The following KIAA1328 variants were observed in gnomAD, a reference collection of about 807,000 sequenced individuals.
The protein encoded by KIAA1328 is KIAA1328, also known as protein hinderin.
KIAA1328 carries 52 observed loss-of-function variants against 68.1 expected under a neutral mutation model. The observed-to-expected ratio is 0.76, with a 90% confidence interval of 0.61 to 0.96. The LOEUF (loss-of-function observed/expected upper bound fraction) is 0.96. Ranked by LOEUF, KIAA1328 falls within the 40% of genes least tolerant of loss-of-function variation. The probability of loss-of-function intolerance (pLI) is 0.00; values close to 1 mark genes in which losing one functional copy is unlikely to be tolerated. For missense variants in KIAA1328, 641 were observed against 677.6 expected (o/e 0.95, Z 0.60); for synonymous variants, 232 against 239.4 (o/e 0.97, Z 0.28).
chr18:37,109,916 C>T (rs1175981236), intron 7 of KIAA1328, among the ~76,000 whole-genome samples: 1 of 152,094 alleles, frequency 6.6e-6, no homozygotes, highest in African/African-American at 2.4e-5. Context: ...TTTCTTTCTA[C>T]ACAGTAACTG....
chr18:37,033,031 C>A (rs2054894977), intron 6 of KIAA1328, among the ~76,000 whole-genome samples: 1 of 152,176 alleles, frequency 6.6e-6, no homozygotes, highest in Admixed American at 6.5e-5. Flanking sequence ...CTCTTATGAT[C>A]TTTCTTCACT....
chr18:36,920,092 A>G (rs940269941), intron 5 of KIAA1328, among the ~76,000 whole-genome samples: 1 of 152,112 alleles, frequency 6.6e-6, no homozygotes, highest in African/African-American at 2.4e-5. Flanking sequence ...TTTTTGTTGC[A>G]GTTGCTTGTA....
At chr18:37,016,504 G>C (rs923734036) in intron 6 of KIAA1328, among the ~76,000 whole-genome samples, 1 of 151,886 alleles carries the variant, frequency 6.6e-6, no homozygotes, top group Admixed American at 6.6e-5. Flanking sequence ...CCTCCTCCTT[G>C]ATTTTTAGTA....
In KIAA1328 at chr18:36,988,652, T is replaced by A. The variant is rs1168229444; in HGVS notation, c.576+29217T>A. ...GTGAACAAGTTGTTTTTCTGCTCATTTCTCAAGGATTCTTTCAGAATGCCA... is the reference window on the plus strand; with the variant it reads ...GTGAACAAGTTGTTTTTCTGCTCATATCTCAAGGATTCTTTCAGAATGCCA... On this transcript the variant is annotated intron_variant, in intron 6 of 9. Coordinates refer to ENST00000280020, the MANE Select transcript of KIAA1328 (RefSeq NM_020776.3). Among the ~76,000 whole-genome samples, 6 of 152,324 alleles carry A rather than the reference T, an allele frequency of 3.9e-5. No individual in the cohort carries two copies. In the South Asian group the frequency reaches 1.2e-3, roughly 32 times the overall value.
chr18:37,156,760 G>A (rs1353629225), intron 7 of KIAA1328, among the ~76,000 whole-genome samples: 1 of 152,196 alleles, frequency 6.6e-6, no homozygotes, highest in Non-Finnish European at 1.5e-5. Flanking sequence ...TAAAGATACT[G>A]GATTGCTTTA....
At chr18:37,101,624 C>G (rs1354038022) in intron 7 of KIAA1328, among the ~76,000 whole-genome samples, 1 of 152,176 alleles carries the variant, frequency 6.6e-6, no homozygotes, top group Non-Finnish European at 1.5e-5. Context: ...CTTCCCCAAT[C>G]TAGCAAGGCA....
intron 5 of KIAA1328, among the ~76,000 whole-genome samples, chr18:36,907,247 A>G (rs1568148273): frequency 6.6e-6 from 1 of 152,094 alleles, no homozygotes; most frequent in East Asian, 1.9e-4. Flanking sequence ...GGACAGTTTC[A>G]TCTTTTCCTT....
chr18:36,901,789 G>A (rs1374304035), intron 5 of KIAA1328, among the ~76,000 whole-genome samples: 1 of 151,986 alleles, frequency 6.6e-6, no homozygotes, highest in Non-Finnish European at 1.5e-5. Context: ...AACTGATATA[G>A]CATAAAACTG....
At chr18:36,968,839 A>G (rs2052052187) in intron 6 of KIAA1328, among the ~76,000 whole-genome samples, 1 of 152,184 alleles carries the variant, frequency 6.6e-6, no homozygotes, top group Non-Finnish European at 1.5e-5. Context: ...TATTCTTCTC[A>G]TCTGCACTGA....
chr18:37,137,043 T>C (rs2058662043), intron 7 of KIAA1328, among the ~76,000 whole-genome samples: 2 of 152,182 alleles, frequency 1.3e-5, no homozygotes. Flanking sequence ...AAATTCCAGC[T>C]TTTTCTTTTT....
chr18:37,050,007 A>C (rs1302369679), intron 6 of KIAA1328, among the ~76,000 whole-genome samples: 2 of 152,206 alleles, frequency 1.3e-5, no homozygotes, highest in African/African-American at 4.8e-5. Context: ...AAAATGTATT[A>C]GAATTTTTTG....
chr18:36,857,421 C>G (rs2047421170), intron 4 of KIAA1328, among the ~76,000 whole-genome samples: 1 of 152,196 alleles, frequency 6.6e-6, no homozygotes, highest in Admixed American at 6.5e-5. Flanking sequence ...GCAAGCCTCT[C>G]TGCCAGTCTA....
At chr18:37,087,335 T>C (rs2057135531) in intron 7 of KIAA1328, among the ~76,000 whole-genome samples, 2 of 152,172 alleles carry the variant, frequency 1.3e-5, no homozygotes, top group South Asian at 4.1e-4. Context: ...GCTGGGATTA[T>C]AGGCATGAGC....
At chr18:37,199,223 T>C (rs74331673) in intron 9 of KIAA1328, among the ~76,000 whole-genome samples, 3,124 of 152,318 alleles carry the variant, frequency 0.021, 58 homozygotes, top group East Asian at 0.09. Context: ...ATCCATTAGC[T>C]ATTTTTCCTA....
chr18:37,093,743 T>C (rs555361841), intron 7 of KIAA1328, among the ~76,000 whole-genome samples: 1 of 152,222 alleles, frequency 6.6e-6, no homozygotes, highest in Non-Finnish European at 1.5e-5. Flanking sequence ...AAATAGTAGC[T>C]GAAAATGTCC....
intron 4 of KIAA1328, among the ~76,000 whole-genome samples, chr18:36,858,322 T>A (rs1168080131): frequency 6.6e-6 from 1 of 152,210 alleles, no homozygotes; most frequent in Non-Finnish European, 1.5e-5. Flanking sequence ...GGCAGCTTTC[T>A]TTAAAATTAG....
intron 7 of KIAA1328, among the ~76,000 whole-genome samples, chr18:37,113,705 A>C (rs971526606): frequency 6.6e-6 from 1 of 152,108 alleles, no homozygotes; most frequent in African/African-American, 2.4e-5. Context: ...TTAAAAGACA[A>C]AGACTGGCAA....
intron 6 of KIAA1328, among the ~76,000 whole-genome samples, chr18:37,002,757 C>T (rs2053637923): frequency 6.6e-6 from 1 of 152,024 alleles, no homozygotes; most frequent in African/African-American, 2.4e-5. Context: ...ATTAAGTTGA[C>T]CATATTGCCC....
chr18:36,953,098 C>T (rs1366843524), intron 5 of KIAA1328, among the ~76,000 whole-genome samples: 1 of 151,396 alleles, frequency 6.6e-6, no homozygotes, highest in Non-Finnish European at 1.5e-5. Context: ...GTACCTTCTA[C>T]CTAGATTTCA....
Sources: gnomAD v4.1 joint callset for allele counts (sites outside exome capture counted in the v4.1 genomes callset) on GRCh38, gnomAD v4.1.1 for gene constraint, MANE v1.5 for transcripts, NCBI Gene and HGNC (gene_info 2026-07-23, HGNC 2026-07-21) for gene names.